The following CAB39L variants were observed in gnomAD, a reference collection of about 807,000 sequenced individuals.
CAB39L encodes calcium-binding protein 39-like.
A neutral mutation model predicts 39.1 loss-of-function variants in CAB39L; 23 were observed. That is an observed-to-expected ratio of 0.59 (90% confidence interval 0.42 to 0.83). The LOEUF (loss-of-function observed/expected upper bound fraction) is 0.83, where lower values mean the gene tolerates loss of function less well. Ranked by LOEUF, CAB39L falls within the 40% of genes least tolerant of loss-of-function variation. The probability of loss-of-function intolerance (pLI) is 0.00; values close to 1 mark genes in which losing one functional copy is unlikely to be tolerated. For missense variants in CAB39L, 366 were observed against 391.9 expected (o/e 0.93, Z 0.56); for synonymous variants, 126 against 137.2 (o/e 0.92, Z 0.57).
chr13:49,382,819 T>G lies in CAB39L; in HGVS notation c.92A>C (p.Gln31Pro). The G allele has an allele frequency of 6.2e-7, 1 of 1,608,550 alleles. No homozygotes were observed. Among genetic ancestry groups the G allele is most frequent in the Non-Finnish European group, 8.5e-7 (1 of 1,175,876 alleles). Reference sequence around the variant, plus strand: ...TCTTACCTTGTCTGTCTTTTTGTCTTGCTTTTCCAAAATGGCCAAATTGTC... The same window carrying G: ...TCTTACCTTGTCTGTCTTTTTGTCTGGCTTTTCCAAAATGGCCAAATTGTC... ...LKDNLAILEKQDKKTDKASEE... is the reference protein window; with the variant it reads ...LKDNLAILEKPDKKTDKASEE... Residue 31 changes from glutamine (Q) to proline (P), a missense_variant, in exon 4 of 11, where the codon CAA becomes CCA. Coordinates refer to ENST00000409308, the MANE Select transcript of CAB39L (RefSeq NM_001079670.3).
intron 10 of CAB39L, among the ~76,000 whole-genome samples, chr13:49,313,044 T>A (rs1328475428): frequency 6.6e-6 from 1 of 152,200 alleles, no homozygotes; most frequent in Non-Finnish European, 1.5e-5. Context: ...CTTATGATTT[T>A]TAAACATAAT....
At chr13:49,429,804 C>T (rs1957293291) in intron 3 of CAB39L, among the ~76,000 whole-genome samples, 2 of 152,136 alleles carry the variant, frequency 1.3e-5, no homozygotes, top group Admixed American at 6.5e-5. Context: ...GGATTGAACA[C>T]TCCTTTTTGT....
intron 3 of CAB39L, among the ~76,000 whole-genome samples, chr13:49,414,684 G>A (rs886899949): frequency 1.3e-5 from 2 of 152,058 alleles, no homozygotes; most frequent in African/African-American, 4.8e-5. Flanking sequence ...ATGTGTGTGT[G>A]TACAGAGACA....
chr13:49,383,457 T>C (rs1956290205), intron 3 of CAB39L, among the ~76,000 whole-genome samples: 2 of 152,184 alleles, frequency 1.3e-5, no homozygotes. Flanking sequence ...TTTTCCATTA[T>C]TTTAAAAAAC....
Position 49,346,118 on chromosome 13 carries a change from T to TGCTAG in CAB39L, c.565-1881_565-1880insCTAGC, listed in dbSNP as rs1199094619. On this transcript the variant is annotated intron_variant, in intron 7 of 10. Transcript: ENST00000409308. Reference sequence around the variant, plus strand: ...TATGCTAGATATATATATATATATATATATATCATGGATACAGCCAATAAA... The same window carrying TGCTAG: ...TATGCTAGATATATATATATATATATGCTAGATATATCATGGATACAGCCAATAAA... 5.5e-3 allele frequency among the ~76,000 whole-genome samples: 312 copies of TGCTAG among 56,724 alleles called. 26 individuals carry two copies. The highest frequency in any genetic ancestry group is 0.038 in the East Asian group (121 of 3,204). The allele number at this position is 56,724 out of a possible 152,430, so 37.2% of individuals were successfully genotyped here. A position where few individuals can be genotyped will look rare whatever the true frequency, so the allele number is the denominator to read the frequency against.
chr13:49,415,130 G>C (rs1296613016), intron 3 of CAB39L, among the ~76,000 whole-genome samples: 1 of 152,084 alleles, frequency 6.6e-6, no homozygotes, highest in African/African-American at 2.4e-5. Context: ...CTGGGAAGTC[G>C]AGGCTGCAGT....
chr13:49,395,833 AG>A (rs761005402), intron 3 of CAB39L, among the ~76,000 whole-genome samples: 1 of 152,188 alleles, frequency 6.6e-6, no homozygotes, highest in Non-Finnish European at 1.5e-5. Flanking sequence ...GAGAGTTGGC[AG>A]GGGGCAGGGG....
chr13:49,391,847 A>G (rs1467195870), intron 3 of CAB39L, among the ~76,000 whole-genome samples: 2 of 152,134 alleles, frequency 1.3e-5, no homozygotes, highest in Non-Finnish European at 2.9e-5. Flanking sequence ...AGAATATAAA[A>G]CAATATAGAA....
intron 3 of CAB39L, among the ~76,000 whole-genome samples, chr13:49,392,589 C>T (rs147074243): frequency 0.026 from 3,966 of 151,918 alleles, 82 homozygotes; most frequent in Non-Finnish European, 0.038. Context: ...TGCAGTGAGC[C>T]GAGATTGTAC....
intron 3 of CAB39L, among the ~76,000 whole-genome samples, chr13:49,411,309 C>T (rs1239131418): frequency 6.6e-6 from 1 of 150,674 alleles, no homozygotes; most frequent in Non-Finnish European, 1.5e-5. Flanking sequence ...ACTTAGGAGG[C>T]TGAGGTAGGA....
At chr13:49,378,069 T>C (rs1432672740) in intron 4 of CAB39L, among the ~76,000 whole-genome samples, 2 of 61,300 alleles carry the variant, frequency 3.3e-5, no homozygotes, top group South Asian at 6.5e-4. Flanking sequence ...GTGAGGAGCG[T>C]CTCTGCCCGG....
At chr13:49,406,914 C>T (rs11148144) in intron 3 of CAB39L, among the ~76,000 whole-genome samples, 35,318 of 152,052 alleles carry the variant, frequency 0.23, 4,285 homozygotes, top group Middle Eastern at 0.33. Flanking sequence ...AATTCTTTGC[C>T]GTTAACTAAT....
At chr13:49,366,451 A>G (rs1187896476) in intron 5 of CAB39L, among the ~76,000 whole-genome samples, 1 of 151,776 alleles carries the variant, frequency 6.6e-6, no homozygotes, top group Non-Finnish European at 1.5e-5. Flanking sequence ...AGATGGTGAA[A>G]CCCCGTCTCT....
At chr13:49,345,916 T>C (rs1322494696) in intron 7 of CAB39L, among the ~76,000 whole-genome samples, 1 of 151,570 alleles carries the variant, frequency 6.6e-6, no homozygotes, top group Non-Finnish European at 1.5e-5. Flanking sequence ...GTGTCATACA[T>C]TAGTGTTACC....
At chr13:49,400,675 A>T (rs1956751016) in intron 3 of CAB39L, among the ~76,000 whole-genome samples, 2 of 152,186 alleles carry the variant, frequency 1.3e-5, no homozygotes, top group South Asian at 4.1e-4. Context: ...TATCCTTTGA[A>T]GTAACAGTAT....
chr13:49,440,879 T>C (rs1308715578), intron 1 of CAB39L, among the ~76,000 whole-genome samples: 1 of 151,964 alleles, frequency 6.6e-6, no homozygotes, highest in African/African-American at 2.4e-5. Context: ...AAGTTATCAG[T>C]TCCAAGAGCC....
intron 3 of CAB39L, among the ~76,000 whole-genome samples, chr13:49,391,515 C>G (rs1956488382): frequency 6.6e-6 from 1 of 151,994 alleles, no homozygotes; most frequent in Non-Finnish European, 1.5e-5. Context: ...TTAAAAAATC[C>G]AACCATCTGG....
chr13:49,338,725 CTGTT>C (rs541762790), intron 9 of CAB39L, among the ~76,000 whole-genome samples: 172 of 152,268 alleles, frequency 1.1e-3, no homozygotes, highest in Non-Finnish European at 1.6e-3. Flanking sequence ...TCTGACATAT[CTGTT>C]TGTTAGAGGT....
At chr13:49,356,585 T>C (rs1955491930) in intron 6 of CAB39L, among the ~76,000 whole-genome samples, 2 of 152,246 alleles carry the variant, frequency 1.3e-5, no homozygotes, top group Admixed American at 6.5e-5. Flanking sequence ...TCTTATATTC[T>C]TTATGGTTAG....
Sources: allele counts gnomAD v4.1 joint callset (sites outside exome capture counted in the v4.1 genomes callset), GRCh38; gene constraint gnomAD v4.1.1; transcripts MANE v1.5; gene names NCBI Gene and HGNC (gene_info 2026-07-23, HGNC 2026-07-21).